Variants in DAPP1 observed in about 807,000 individuals in gnomAD.
DAPP1 encodes the protein dual adaptor of phosphotyrosine and 3-phosphoinositides 1.
A neutral mutation model predicts 41.5 loss-of-function variants in DAPP1; 20 were observed. That is an observed-to-expected ratio of 0.48 (90% CI 0.34 to 0.70). The LOEUF (loss-of-function observed/expected upper bound fraction) is 0.70, where lower values mean the gene tolerates loss of function less well. Among genes scored for constraint, DAPP1 ranks in the 30% least tolerant of loss-of-function variants. The pLI, the probability that DAPP1 is intolerant of heterozygous loss-of-function variation, is 0.01. For synonymous variants in DAPP1, 113 were observed against 116.2 expected, an observed-to-expected ratio of 0.97 and a Z score of 0.18; for missense variants, 233 against 333.4, an observed-to-expected ratio of 0.70 and a Z score of 2.35.
chr4:99,835,531 T>A, intron 1 of DAPP1, 92 bp from the exon 2 acceptor site: 6 of 1,530,132 alleles, frequency 3.9e-6, no homozygotes, highest in Non-Finnish European at 5.3e-6. Context: ...TCTTGAAGAA[T>A]GTTGCTAGGT....
intron 3 of DAPP1, among the ~76,000 whole-genome samples, chr4:99,852,847 A>G (rs1308852079): frequency 6.6e-6 from 1 of 152,180 alleles, no homozygotes; most frequent in African/African-American, 2.4e-5. Context: ...GATCTAAATC[A>G]AATGTCACCT....
At chr4:99,856,768 C>T (rs377456496) in intron 4 of DAPP1, among the ~76,000 whole-genome samples, 30 of 152,254 alleles carry the variant, frequency 2.0e-4, no homozygotes, top group Admixed American at 3.3e-4. Flanking sequence ...TTGCTATTCA[C>T]AGGAAGAGCA....
chr4:99,862,372 T>A (rs987705795), intron 5 of DAPP1, among the ~76,000 whole-genome samples: 3 of 152,206 alleles, frequency 2.0e-5, no homozygotes, highest in Admixed American at 2.0e-4. Context: ...AGTAGGATGC[T>A]GTTTGTATAT....
At chr4:99,849,872 G>C (rs1425337922) in intron 3 of DAPP1, among the ~76,000 whole-genome samples, 6 of 152,176 alleles carry the variant, frequency 3.9e-5, no homozygotes, top group Non-Finnish European at 8.8e-5. Flanking sequence ...AGCAGGAGAA[G>C]GATCTGACTG....
chr4:99,847,278 A>G (rs1723696815), intron 3 of DAPP1, among the ~76,000 whole-genome samples: 2 of 152,186 alleles, frequency 1.3e-5, no homozygotes, highest in Non-Finnish European at 2.9e-5. Flanking sequence ...GCTACACTCT[A>G]TTTCAGATAC....
intron 2 of DAPP1, among the ~76,000 whole-genome samples, chr4:99,836,618 C>T (rs1220387929): frequency 6.6e-6 from 1 of 152,212 alleles, no homozygotes; most frequent in Non-Finnish European, 1.5e-5. Context: ...TGCAGTTCCT[C>T]AAGCTAATCT....
chr4:99,842,947 G>C (rs530683727), intron 3 of DAPP1, among the ~76,000 whole-genome samples: 1 of 149,064 alleles, frequency 6.7e-6, no homozygotes, highest in Admixed American at 6.6e-5. Context: ...CGCCTCCCGG[G>C]TTCACGCCAG....
At chr4:99,832,029 G>T (rs1723140121) in intron 1 of DAPP1, among the ~76,000 whole-genome samples, 1 of 150,956 alleles carries the variant, frequency 6.6e-6, no homozygotes, top group South Asian at 2.1e-4. Flanking sequence ...GCTCATTCAG[G>T]GAACCTGATT....
At chr4:99,857,701 T>C (rs62305043) in intron 4 of DAPP1, among the ~76,000 whole-genome samples, 9,343 of 142,960 alleles carry the variant, frequency 0.065, 288 homozygotes, top group Middle Eastern at 0.11. Context: ...TGTATGTATA[T>C]ACACACACAC....
intron 2 of DAPP1, among the ~76,000 whole-genome samples, chr4:99,839,368 T>C (rs983615016): frequency 9.3e-6 from 1 of 107,682 alleles, no homozygotes; most frequent in African/African-American, 3.8e-5. Context: ...TATAGATATA[T>C]ATAGATATCT....
At chr4:99,824,147 G>A (rs759006428) in intron 1 of DAPP1, among the ~76,000 whole-genome samples, 2 of 152,182 alleles carry the variant, frequency 1.3e-5, no homozygotes, top group Admixed American at 1.3e-4. Flanking sequence ...CAGTCCTGAG[G>A]TACTAAGAGG....
At chr4:99,856,358 A>G (rs1164546880) in intron 4 of DAPP1, among the ~76,000 whole-genome samples, 4 of 152,184 alleles carry the variant, frequency 2.6e-5, no homozygotes, top group African/African-American at 9.7e-5. Flanking sequence ...GGAAGGAGTG[A>G]CTCATGTCAA....
At chr4:99,858,149 A>G (rs2110162903) in intron 4 of DAPP1, among the ~76,000 whole-genome samples, 1 of 152,330 alleles carries the variant, frequency 6.6e-6, no homozygotes, top group African/African-American at 2.4e-5. Context: ...ATCTCATTCA[A>G]GCTTCACTAG....
At chr4:99,825,651 T>C (rs1455247188) in intron 1 of DAPP1, among the ~76,000 whole-genome samples, 1 of 152,194 alleles carries the variant, frequency 6.6e-6, no homozygotes, top group Non-Finnish European at 1.5e-5. Context: ...CACAGAAACG[T>C]CTCTATTGGA....
At chr4:99,864,525 G>A (rs929208119) in intron 7 of DAPP1, among the ~76,000 whole-genome samples, 13 of 151,866 alleles carry the variant, frequency 8.6e-5, no homozygotes, top group African/African-American at 3.1e-4. Flanking sequence ...ATCACATATA[G>A]GACTACAGTA....
At chr4:99,827,320 G>C (rs1343336112) in intron 1 of DAPP1, among the ~76,000 whole-genome samples, 2 of 151,976 alleles carry the variant, frequency 1.3e-5, no homozygotes, top group African/African-American at 2.4e-5. Context: ...GGATCACGAG[G>C]TCAGGAGATC....
At chr4:99,828,172 C>T (rs1014700028) in intron 1 of DAPP1, among the ~76,000 whole-genome samples, 1 of 152,098 alleles carries the variant, frequency 6.6e-6, no homozygotes, top group Admixed American at 6.5e-5. Flanking sequence ...TGACAAGATC[C>T]CAGGTGATGC....
intron 1 of DAPP1, among the ~76,000 whole-genome samples, chr4:99,826,147 A>G (rs147399148): frequency 7.8e-4 from 119 of 152,334 alleles, no homozygotes; most frequent in African/African-American, 2.8e-3. Flanking sequence ...TGTGTTCAGA[A>G]AGATTGTGAG....
At chr4:99,852,594 G>T (rs976583615) in intron 3 of DAPP1, among the ~76,000 whole-genome samples, 10 of 152,104 alleles carry the variant, frequency 6.6e-5, no homozygotes, top group Non-Finnish European at 1.5e-4. Flanking sequence ...AGCTTGTTCA[G>T]GTCATGTTCA....
Sources: allele counts gnomAD v4.1 joint callset (sites outside exome capture counted in the v4.1 genomes callset), GRCh38; gene constraint gnomAD v4.1.1; transcripts MANE v1.5; gene names NCBI Gene and HGNC (gene_info 2026-07-23, HGNC 2026-07-21).